KIF16B: variants seen among roughly 807,000 people sequenced by gnomAD.
KIF16B encodes kinesin family member 16B.
A neutral mutation model predicts 156.3 loss-of-function variants in KIF16B; 98 were observed. That is an observed-to-expected ratio of 0.63 (90% CI 0.53 to 0.74). KIF16B has a LOEUF of 0.74. Ranked by LOEUF, KIF16B falls within the 30% of genes least tolerant of loss-of-function variation. KIF16B has a pLI of 0.00. For synonymous variants in KIF16B, 564 were observed against 583.7 expected, an observed-to-expected ratio of 0.97 and a Z score of 0.49; for missense variants, 1,421 against 1,606.5, an observed-to-expected ratio of 0.88 and a Z score of 1.97.
rs117214524 is a variant in KIF16B, at chr20:16,351,732, G to A, written c.3621+4598C>T. 5.0e-3 allele frequency among the ~76,000 whole-genome samples: 768 copies of A among 152,268 alleles called. 6 individuals are homozygous for A. Among genetic ancestry groups the A allele is most frequent in the Non-Finnish European group, 6.2e-3 (424 of 68,016 alleles). ...CCAGACGGATGTGCTACTAGGACCC[G>A]CAGGAAGGTACAGCTTCAAGGGTAA... On this transcript the variant is annotated intron_variant, in intron 23 of 25. Transcript: ENST00000354981.
intron 1 of KIF16B, among the ~76,000 whole-genome samples, chr20:16,536,107 C>T (rs778835038): frequency 6.6e-6 from 1 of 152,050 alleles, no homozygotes; most frequent in African/African-American, 2.4e-5. Context: ...AATGAATGAA[C>T]GGATCAAGAA....
intron 12 of KIF16B, among the ~76,000 whole-genome samples, chr20:16,491,581 T>C (rs2068293014): frequency 1.3e-5 from 2 of 152,166 alleles, no homozygotes; most frequent in Admixed American, 1.3e-4. Flanking sequence ...AGGAAGAGGT[T>C]GCCATCCGCT....
At chr20:16,284,124 C>T (rs964490158) in intron 25 of KIF16B, among the ~76,000 whole-genome samples, 19 of 152,182 alleles carry the variant, frequency 1.2e-4, no homozygotes, top group Admixed American at 7.2e-4. Context: ...TGCCTGATCA[C>T]GGGAACTATC....
At chr20:16,388,233 A>C (rs766690085) in intron 17 of KIF16B, among the ~76,000 whole-genome samples, 22 of 152,238 alleles carry the variant, frequency 1.4e-4, no homozygotes, top group Non-Finnish European at 1.8e-4. Flanking sequence ...TTAGATATGC[A>C]GTGATATGAG....
At chr20:16,487,758 C>T (rs1325629278) in intron 12 of KIF16B, among the ~76,000 whole-genome samples, 1 of 152,128 alleles carries the variant, frequency 6.6e-6, no homozygotes, top group African/African-American at 2.4e-5. Flanking sequence ...TGCCATGGCC[C>T]TGTAGTATCC....
intron 23 of KIF16B, among the ~76,000 whole-genome samples, chr20:16,347,411 A>G (rs918987491): frequency 1.3e-5 from 2 of 152,232 alleles, no homozygotes; most frequent in Non-Finnish European, 2.9e-5. Flanking sequence ...GCATGACCAT[A>G]AAATAATAAC....
chr20:16,345,190 G>A (rs925590212), intron 23 of KIF16B, among the ~76,000 whole-genome samples: 1 of 152,190 alleles, frequency 6.6e-6, no homozygotes, highest in Non-Finnish European at 1.5e-5. Context: ...TTGGCTCCAT[G>A]CTGCTCAATT....
At chr20:16,370,019 A>T (rs952841318) in intron 22 of KIF16B, among the ~76,000 whole-genome samples, 4 of 152,180 alleles carry the variant, frequency 2.6e-5, no homozygotes, top group Non-Finnish European at 5.9e-5. Context: ...TCAGTAATGT[A>T]TGGACACCAT....
At position 16,497,732 on chromosome 20, in the gene KIF16B, G is replaced by C. The variant is rs576880693; in HGVS notation, c.1177-54C>G. 8.3e-4 allele frequency: 1,074 copies of C among 1,287,772 alleles called. 3 individuals carry two copies. The highest frequency in any genetic ancestry group is 2.2e-3 in the Middle Eastern group (10 of 4,482). 79.8% of individuals were successfully genotyped at this position (1,287,772 alleles called of 1,614,324 possible). A position where few individuals can be genotyped will look rare whatever the true frequency, so the allele number is the denominator to read the frequency against. On this transcript the variant is annotated intron_variant, in intron 10 of 25. Transcript: ENST00000354981. Reference sequence around the variant, plus strand: ...CAATTAATAAACAGCAATAATCTAGGTTTTTCCCTGAATATAGTAAATTAT... The same window carrying C: ...CAATTAATAAACAGCAATAATCTAGCTTTTTCCCTGAATATAGTAAATTAT...
intron 15 of KIF16B, among the ~76,000 whole-genome samples, chr20:16,414,683 C>T (rs1240996342): frequency 2.0e-5 from 3 of 152,082 alleles, no homozygotes; most frequent in South Asian, 2.1e-4. Context: ...TGTAAAATTT[C>T]GAGATGCTCC....
chr20:16,284,989 C>T (rs1162637889), intron 25 of KIF16B, among the ~76,000 whole-genome samples: 1 of 152,230 alleles, frequency 6.6e-6, no homozygotes. Context: ...GCACCATCTT[C>T]TGGAGCTTTC....
chr20:16,380,599 A>T (rs1392004395), intron 18 of KIF16B, among the ~76,000 whole-genome samples: 1 of 152,216 alleles, frequency 6.6e-6, no homozygotes, highest in East Asian at 1.9e-4. Context: ...ATTGGGGTCA[A>T]ATATCAAAGT....
chr20:16,364,891 T>C (rs549595296), intron 22 of KIF16B, among the ~76,000 whole-genome samples: 4 of 152,318 alleles, frequency 2.6e-5, no homozygotes, highest in African/African-American at 7.2e-5. Flanking sequence ...CTGCTGCATG[T>C]TCCATCTCTG....
intron 1 of KIF16B, among the ~76,000 whole-genome samples, chr20:16,567,883 C>A (rs1381864413): frequency 6.6e-6 from 1 of 152,084 alleles, no homozygotes; most frequent in Non-Finnish European, 1.5e-5. Context: ...ACCCGGGAGG[C>A]GGAGCTTGCA....
chr20:16,322,684 T>C (rs1330567739), intron 24 of KIF16B, among the ~76,000 whole-genome samples: 1 of 151,996 alleles, frequency 6.6e-6, no homozygotes, highest in Non-Finnish European at 1.5e-5. Flanking sequence ...CCAATTTTCT[T>C]CTAAGAGTTA....
At chr20:16,461,293 A>G (rs1190000967) in intron 12 of KIF16B, among the ~76,000 whole-genome samples, 1 of 152,138 alleles carries the variant, frequency 6.6e-6, no homozygotes, top group African/African-American at 2.4e-5. Flanking sequence ...TTGAGTAGTA[A>G]TATTTCAACC....
chr20:16,297,900 A>T (rs1405724404), intron 25 of KIF16B, among the ~76,000 whole-genome samples: 3 of 152,048 alleles, frequency 2.0e-5, no homozygotes, highest in African/African-American at 7.3e-5. Context: ...GGAAGATGGG[A>T]ATACCCTAGT....
chr20:16,532,938 C>T (rs561684718), intron 1 of KIF16B, among the ~76,000 whole-genome samples: 1 of 152,250 alleles, frequency 6.6e-6, no homozygotes, highest in South Asian at 2.1e-4. Flanking sequence ...ATTTAAAGGG[C>T]CCTCCACATG....
At chr20:16,481,929 C>T (rs1302074998) in intron 12 of KIF16B, among the ~76,000 whole-genome samples, 3 of 152,142 alleles carry the variant, frequency 2.0e-5, no homozygotes, top group East Asian at 3.9e-4. Context: ...TGCCTGTCCT[C>T]GTTTCTCACT....
Sources: gnomAD v4.1 joint callset for allele counts (sites outside exome capture counted in the v4.1 genomes callset) on GRCh38, gnomAD v4.1.1 for gene constraint, MANE v1.5 for transcripts, NCBI Gene and HGNC (gene_info 2026-07-23, HGNC 2026-07-21) for gene names.